The following THUMPD2 variants were observed in gnomAD, a reference collection of about 807,000 sequenced individuals.
THUMPD2 encodes THUMP domain 2 tRNA and snRNA guanosine methyltransferase.
A neutral mutation model predicts 49.4 loss-of-function variants in THUMPD2; 56 were observed. That is an observed-to-expected ratio of 1.13 (90% CI 0.91 to 1.41). The LOEUF (loss-of-function observed/expected upper bound fraction) is 1.41, where lower values mean the gene tolerates loss of function less well. Ranked by LOEUF, THUMPD2 falls within the 40% of genes most tolerant of loss-of-function variation. The pLI is 0.00. For synonymous variants in THUMPD2, 237 were observed against 205.2 expected (o/e 1.15, Z -1.32); for missense variants, 709 against 594.5 (o/e 1.19, Z -2.00).
chr2:39,744,496 G>A lies in THUMPD2; in HGVS notation c.1079-18C>T, dbSNP rs757888752. ...TGGCAATTCTGAAATATAGAAATCA[G>A]AGAATCCTATTACAGTAGGGTCAAA... On this transcript the variant is annotated intron_variant, in intron 8 of 9. Coordinates refer to ENST00000505747, the MANE Select transcript of THUMPD2 (RefSeq NM_025264.5). 27 of 1,487,492 alleles carry A rather than the reference G, an allele frequency of 1.8e-5. No homozygotes were observed. The highest frequency in any genetic ancestry group is 2.2e-5 in the Non-Finnish European group (24 of 1,093,462). 92.1% of individuals were successfully genotyped at this position (1,487,492 alleles called of 1,614,324 possible). A position where few individuals can be genotyped will look rare whatever the true frequency, so the allele number is the denominator to read the frequency against.
intron 4 of THUMPD2, 107 bp downstream of exon 4, chr2:39,768,317 C>A: frequency 2.1e-6 from 2 of 936,120 alleles, no homozygotes; most frequent in Non-Finnish European, 3.4e-6. Flanking sequence ...CCTGTAGATA[C>A]ACTTTTTATA....
At chr2:39,763,731 T>C (rs1412342259) in intron 5 of THUMPD2, among the ~76,000 whole-genome samples, 1 of 152,212 alleles carries the variant, frequency 6.6e-6, no homozygotes, top group Admixed American at 6.5e-5. Context: ...CACATCACTC[T>C]TCTGCTTCAA....
rs1392017105 is a variant in THUMPD2, at chr2:39,750,266, T to A, written c.1078+5029A>T. Among the ~76,000 whole-genome samples the A allele has an allele frequency of 2.0e-5, 3 of 152,222 alleles. No individual in the cohort carries two copies. In the East Asian group the frequency reaches 5.8e-4, roughly 29 times the overall value. ...CACAACCTCACCACCATCTGTTGTT[T>A]CTGGACTTTTTAATAATCGCCATTC... On this transcript the variant is annotated intron_variant, in intron 8 of 9. Transcript: ENST00000505747.
At chr2:39,753,804 G>C (rs1675743866) in intron 8 of THUMPD2, among the ~76,000 whole-genome samples, 1 of 152,088 alleles carries the variant, frequency 6.6e-6, no homozygotes, top group Non-Finnish European at 1.5e-5. Flanking sequence ...CCTTGGGCCA[G>C]GCCACTGTCA....
At position 39,779,116 on chromosome 2, in the gene THUMPD2, G is replaced by C; in HGVS notation, c.124C>G (p.Gln42Glu). The C allele has an allele frequency of 6.6e-7, 1 of 1,509,634 alleles. No homozygotes were observed. The highest frequency in any genetic ancestry group is 8.8e-7 in the Non-Finnish European group (1 of 1,135,584). 93.5% of individuals were successfully genotyped at this position (1,509,634 alleles called of 1,614,324 possible). The part of the protein sequence containing the change: ...REVRARLAAT[Q>E]VEYISGKVFF... Reference sequence around the variant, plus strand: ...GGCGCGCAGCGAGGCCAACTCACCTGCGTGGCCGCCAGCCGCGCCCGCACC... The same window carrying C: ...GGCGCGCAGCGAGGCCAACTCACCTCCGTGGCCGCCAGCCGCGCCCGCACC... The change falls in exon 1 of 10, where the codon CAG becomes GAG. Residue 42 changes from glutamine to glutamate, a missense_variant and splice_region_variant. Gln to Glu is a conservative substitution (Grantham distance 29, BLOSUM62 2). Transcript: ENST00000505747.
Position 39,736,946 on chromosome 2 carries a change from T to C in THUMPD2, c.1301A>G (p.Asp434Gly). 6.2e-7 allele frequency: 1 copy of C among 1,614,160 alleles called. No homozygotes were observed. The highest frequency in any genetic ancestry group is 8.5e-7 in the Non-Finnish European group (1 of 1,180,014). The change falls in exon 10 of 10, where the codon GAT becomes GGT. Residue 434 changes from aspartate (D) to glycine (G), a missense_variant. Asp to Gly is a moderately conservative substitution (Grantham distance 94). Transcript: ENST00000505747. ...CAAGCACTTTTTAATTCCAGGTTCA[T>C]CTGTGTGACTGTCCTTGGAATTGAA... ...IPFNSKDSHTDEPGIKKCLNP... is the reference protein window; with the variant it reads ...IPFNSKDSHTGEPGIKKCLNP...
chr2:39,755,960 C>G lies in THUMPD2; in HGVS notation c.892G>C (p.Ala298Pro), dbSNP rs1249229740. The G allele has an allele frequency of 6.2e-7, 1 of 1,613,504 alleles. No homozygotes were observed. Among genetic ancestry groups the G allele is most frequent in the Non-Finnish European group, 8.5e-7 (1 of 1,179,624 alleles). ...WAMASLADIK[A>P]GAFVLDPMCG... ...ATTGGATCTAAAACAAATGCACCAG[C>G]CTGCAGACAGAAATATTAATTTGGT... is the stretch of plus-strand genomic sequence containing the variant. The change falls in exon 7 of 10, where the codon GCT (alanine) becomes CCT (proline). Residue 298 changes from alanine to proline, a missense_variant and splice_region_variant. Ala to Pro is a conservative substitution (Grantham distance 27). Coordinates refer to ENST00000505747, the MANE Select transcript of THUMPD2 (RefSeq NM_025264.5).
At chr2:39,756,255 T>C (rs1443192550) in intron 6 of THUMPD2, among the ~76,000 whole-genome samples, 1 of 152,150 alleles carries the variant, frequency 6.6e-6, no homozygotes, top group South Asian at 2.1e-4. Context: ...AGCTCCCTTA[T>C]TGTAATGACA....
In THUMPD2 at chr2:39,736,885, C is replaced by G; in HGVS notation, c.1362G>C (p.Ala454=). The G allele has an allele frequency of 6.2e-7, 1 of 1,614,172 alleles. No individual in the cohort carries two copies. Among genetic ancestry groups the G allele is most frequent in the Non-Finnish European group, 8.5e-7 (1 of 1,180,018 alleles). The change falls in exon 10 of 10, where the codon GCG becomes GCC. Residue 454 remains alanine (A), a synonymous_variant. Transcript: ENST00000505747. ...GGTTACTGGCTTCGAATGAAGTTGA[C>G]GCTGTCTTGAATGCACCAGTTTTTT... ...PEEKTGAFKT[A]STSFEASNHK...
intron 1 of THUMPD2, among the ~76,000 whole-genome samples, chr2:39,778,262 A>G (rs1679377891): frequency 6.6e-6 from 1 of 152,262 alleles, no homozygotes; most frequent in South Asian, 2.1e-4. Flanking sequence ...TTTTAAGATT[A>G]GCTACATTCA....
At chr2:39,776,703 C>T (rs1679155502) in intron 1 of THUMPD2, among the ~76,000 whole-genome samples, 1 of 152,114 alleles carries the variant, frequency 6.6e-6, no homozygotes, top group South Asian at 2.1e-4. Context: ...ATTCGGCATA[C>T]TATTTTGTTT....
Position 39,768,843 on chromosome 2 carries a change from G to A in THUMPD2, c.673-342C>T. 7 of 1,160,990 alleles carry A rather than the reference G, an allele frequency of 6.0e-6. 1 individual carries two copies. The highest frequency in any genetic ancestry group is 8.0e-6 in the Non-Finnish European group (7 of 877,448). 71.9% of individuals were successfully genotyped at this position (1,160,990 alleles called of 1,614,324 possible). On this transcript the variant is annotated intron_variant, in intron 3 of 9. Transcript: ENST00000505747. ...AGATGCAAGCTGAAAGATTAACTAT[G>A]TCAGCTACTATAAGCCTATGTGTTT...
intron 8 of THUMPD2, among the ~76,000 whole-genome samples, chr2:39,749,483 T>C (rs1035275498): frequency 5.9e-5 from 9 of 152,254 alleles, no homozygotes; most frequent in African/African-American, 1.7e-4. Flanking sequence ...GAATAGCCAT[T>C]TGATCTAAAG....
At chr2:39,740,162 G>A (rs1239761629) in intron 9 of THUMPD2, among the ~76,000 whole-genome samples, 6 of 152,114 alleles carry the variant, frequency 3.9e-5, no homozygotes, top group Non-Finnish European at 8.8e-5. Flanking sequence ...TGTGACTGTG[G>A]TGCTTGGTCA....
intron 8 of THUMPD2, among the ~76,000 whole-genome samples, chr2:39,752,230 ATCC>A (rs1675506339): frequency 6.6e-6 from 1 of 152,210 alleles, no homozygotes; most frequent in Non-Finnish European, 1.5e-5. Flanking sequence ...TATGTAATAA[ATCC>A]TCATCACAGC....
At chr2:39,757,155 G>A (rs1157882019) in intron 6 of THUMPD2, 5 of 342,352 alleles carry the variant, frequency 1.5e-5, no homozygotes, top group Non-Finnish European at 2.3e-5. Flanking sequence ...GGGGTGATCT[G>A]ATGGCATGTG....
intron 3 of THUMPD2, 32 bp from the exon 4 acceptor site, chr2:39,768,533 C>T (rs755432255): frequency 2.6e-6 from 4 of 1,559,810 alleles, no homozygotes; most frequent in Admixed American, 1.8e-5. Context: ...GAAAAGAATA[C>T]TAAAAATGAA....
Position 39,736,955 on chromosome 2 carries a change from C to T in THUMPD2, c.1292G>A (p.Ser431Asn), listed in dbSNP as rs1673159887. The change falls in exon 10 of 10, where the codon AGT (serine) becomes AAT (asparagine). Residue 431 changes from serine (S) to asparagine (N), a missense_variant. Coordinates refer to ENST00000505747, the MANE Select transcript of THUMPD2 (RefSeq NM_025264.5). ...TTTAATTCCAGGTTCATCTGTGTGA[C>T]TGTCCTTGGAATTGAAAGGGATGTT... is the stretch of plus-strand genomic sequence containing the variant. The part of the protein sequence containing the change: ...ESNIPFNSKD[S>N]HTDEPGIKKC... 6.2e-7 allele frequency: 1 copy of T among 1,614,048 alleles called. No homozygotes were observed. Among genetic ancestry groups the T allele is most frequent in the African/African-American group, 1.3e-5 (1 of 75,006 alleles).
rs1025031797 is a variant in THUMPD2 at position 39,779,164 on chromosome 2, G to A, written c.76C>T (p.Leu26=). Residue 26 remains leucine, a synonymous_variant, in exon 1 of 10, where the codon CTG becomes TTG. Coordinates refer to ENST00000505747, the MANE Select transcript of THUMPD2 (RefSeq NM_025264.5). ...ACCTCTCGCATTACGAACGGCTCCA[G>A]GCCGCGACCCGCAGTGCAGAAGAAT... is the stretch of plus-strand genomic sequence containing the variant. ...ARFFCTAGRG[L]EPFVMREVRA... is the part of the protein sequence containing the mutation. 2.6e-6 allele frequency: 4 copies of A among 1,521,274 alleles called. No homozygotes were observed. The African/African-American group carries it at 4.3e-5, about 16-fold the overall frequency. The allele number at this position is 1,521,274 out of a possible 1,614,324, so 94.2% of individuals were successfully genotyped here.
Sources: allele counts gnomAD v4.1 joint callset (sites outside exome capture counted in the v4.1 genomes callset), GRCh38; gene constraint gnomAD v4.1.1; transcripts MANE v1.5; gene names NCBI Gene and HGNC (gene_info 2026-07-23, HGNC 2026-07-21).